The following ENOX1 variants were observed in gnomAD, a reference collection of about 807,000 sequenced individuals.
ENOX1 encodes the protein ecto-NOX disulfide-thiol exchanger 1.
A neutral mutation model predicts 82.5 loss-of-function variants in ENOX1; 42 were observed. The observed-to-expected ratio is 0.51, with a 90% CI of 0.40 to 0.66. The LOEUF (loss-of-function observed/expected upper bound fraction) is 0.66. Among genes scored for constraint, ENOX1 ranks in the 30% least tolerant of loss-of-function variants. The pLI is 0.00. For missense variants in ENOX1, 608 were observed against 811.6 expected (o/e 0.75, Z 3.05); for synonymous variants, 271 against 282.2 (o/e 0.96, Z 0.40).
chr13:43,301,411 T>C (rs2153509796), intron 11 of ENOX1, among the ~76,000 whole-genome samples: 1 of 152,272 alleles, frequency 6.6e-6, no homozygotes, highest in East Asian at 1.9e-4. Context: ...ATCCATTATT[T>C]TAGGGGATCT....
rs117672450 is a variant in ENOX1, at chr13:43,327,624, C to T, written c.1037-1099G>A. Among the ~76,000 whole-genome samples, 5 of 152,290 alleles carry T rather than the reference C, an allele frequency of 3.3e-5. No homozygotes were observed. The East Asian group carries it at 9.6e-4, about 29-fold the overall frequency. On this transcript the variant is annotated intron_variant, in intron 9 of 16. Transcript: ENST00000690772. ...AAAATTAGCTTCTCAAGGATTCTAA[C>T]ACCCCATCAACATAAATCTTTCATA...
chr13:43,634,510 G>C (rs916147658), intron 2 of ENOX1, among the ~76,000 whole-genome samples: 8 of 152,188 alleles, frequency 5.3e-5, no homozygotes, highest in African/African-American at 1.9e-4. Flanking sequence ...GGGTGTTGTA[G>C]AGAAGGAGCT....
intron 1 of ENOX1, among the ~76,000 whole-genome samples, chr13:43,747,649 T>C (rs1170263536): frequency 6.6e-6 from 1 of 152,242 alleles, no homozygotes; most frequent in Admixed American, 6.5e-5. Flanking sequence ...CCAACACCTA[T>C]GTGGTGGCAA....
intron 5 of ENOX1, among the ~76,000 whole-genome samples, chr13:43,393,397 G>T (rs1049428896): frequency 1.3e-5 from 2 of 152,184 alleles, no homozygotes; most frequent in Non-Finnish European, 2.9e-5. Flanking sequence ...AAAGGGGCAA[G>T]AAATCACAGG....
At chr13:43,428,348 T>C (rs1019914594) in intron 3 of ENOX1, among the ~76,000 whole-genome samples, 5 of 152,190 alleles carry the variant, frequency 3.3e-5, no homozygotes, top group African/African-American at 1.2e-4. Context: ...AATATATATA[T>C]TGAGGGCAAA....
intron 1 of ENOX1, among the ~76,000 whole-genome samples, chr13:43,675,127 G>T (rs761302267): frequency 1.3e-5 from 2 of 152,112 alleles, no homozygotes; most frequent in African/African-American, 4.8e-5. Flanking sequence ...TTTTTGAAAG[G>T]TCACTCTGGC....
intron 1 of ENOX1, among the ~76,000 whole-genome samples, chr13:43,781,637 C>T (rs1029461837): frequency 1.3e-5 from 2 of 152,074 alleles, no homozygotes; most frequent in Non-Finnish European, 2.9e-5. Context: ...CCTCAGCCCC[C>T]CGAGTAGCTG....
chr13:43,251,006 G>T (rs1196794541), intron 14 of ENOX1, among the ~76,000 whole-genome samples: 3 of 152,098 alleles, frequency 2.0e-5, no homozygotes, highest in African/African-American at 7.2e-5. Context: ...AAATTCTCAG[G>T]CCCCAGCTTG....
chr13:43,557,827 C>A (rs2079507589), intron 2 of ENOX1, among the ~76,000 whole-genome samples: 1 of 152,002 alleles, frequency 6.6e-6, no homozygotes, highest in Admixed American at 6.6e-5. Context: ...TTAAAAAATT[C>A]ATTTTGTGGT....
At chr13:43,499,846 G>C (rs1232684637) in intron 2 of ENOX1, among the ~76,000 whole-genome samples, 1 of 151,752 alleles carries the variant, frequency 6.6e-6, no homozygotes, top group African/African-American at 2.4e-5. Flanking sequence ...GAACAAATCA[G>C]GAAAATAAAT....
intron 2 of ENOX1, among the ~76,000 whole-genome samples, chr13:43,508,955 CATTT>C (rs2077272595): frequency 6.6e-6 from 1 of 151,950 alleles, no homozygotes; most frequent in South Asian, 2.1e-4. Flanking sequence ...AAATGTGAAA[CATTT>C]ATTAATGTTT....
rs777294406 is a variant in ENOX1 at position 43,213,954 on chromosome 13, A to G, written c.*36T>C. ...GTCGCACCGCCCTGGCCAGGTTCAC[A>G]TGGTTTCATTTCCAGAGATGCTTTG... On this transcript the variant is annotated 3_prime_UTR_variant, in exon 17 of 17. Coordinates refer to ENST00000690772, the MANE Select transcript of ENOX1 (RefSeq NM_001347969.2). 1.6e-5 allele frequency: 26 copies of G among 1,605,490 alleles called. No individual in the cohort carries two copies. The highest frequency in any genetic ancestry group is 2.7e-5 in the African/African-American group (2 of 74,762).
chr13:43,224,945 TC>T (rs1188454351), intron 15 of ENOX1, among the ~76,000 whole-genome samples: 5 of 152,198 alleles, frequency 3.3e-5, no homozygotes, highest in African/African-American at 1.2e-4. Context: ...GGAAGTCAAC[TC>T]CAAAAACTGT....
chr13:43,674,350 G>C (rs1229230834), intron 1 of ENOX1, among the ~76,000 whole-genome samples: 3 of 152,140 alleles, frequency 2.0e-5, no homozygotes. Flanking sequence ...GCAACAGGGT[G>C]ATGAGAGGCT....
At chr13:43,227,007 CT>C (rs1440127831) in intron 15 of ENOX1, among the ~76,000 whole-genome samples, 1 of 150,710 alleles carries the variant, frequency 6.6e-6, no homozygotes, top group African/African-American at 2.5e-5. Flanking sequence ...AATATTCCCC[CT>C]GGCCAGAGAG....
chr13:43,505,621 GTT>G lies in ENOX1; in HGVS notation c.-218-21471_-218-21470del, dbSNP rs542538332. Among the ~76,000 whole-genome samples, 1,217 of 152,080 alleles carry G rather than the reference GTT, an allele frequency of 8.0e-3. 23 individuals are homozygous for G. Among genetic ancestry groups the G allele is most frequent in the African/African-American group, 0.027 (1,130 of 41,518 alleles). On this transcript the variant is annotated intron_variant, in intron 2 of 16. Coordinates refer to ENST00000690772, the MANE Select transcript of ENOX1 (RefSeq NM_001347969.2). ...GGGGTTGTTTTTTTCTTGTAAATTT[GTT>G]TGAGTTCGTTGTAGATTCTGGATAT...
At chr13:43,768,123 ACATAC>A (rs1334369678) in intron 1 of ENOX1, among the ~76,000 whole-genome samples, 1 of 152,140 alleles carries the variant, frequency 6.6e-6, no homozygotes, top group Non-Finnish European at 1.5e-5. Flanking sequence ...CTTCTTACAT[ACATAC>A]ATTTTTACTC....
chr13:43,706,242 A>G (rs1395092437), intron 1 of ENOX1, among the ~76,000 whole-genome samples: 1 of 152,088 alleles, frequency 6.6e-6, no homozygotes, highest in East Asian at 1.9e-4. Flanking sequence ...GAAGCTACAG[A>G]TAGAATAAAT....
chr13:43,509,926 T>C (rs1285971208), intron 2 of ENOX1, among the ~76,000 whole-genome samples: 1 of 151,988 alleles, frequency 6.6e-6, no homozygotes, highest in Non-Finnish European at 1.5e-5. Context: ...TCCAGACCTA[T>C]GTTCTCAGTG....
Sources: gnomAD v4.1 joint callset for allele counts (sites outside exome capture counted in the v4.1 genomes callset) on GRCh38, gnomAD v4.1.1 for gene constraint, MANE v1.5 for transcripts, NCBI Gene and HGNC (gene_info 2026-07-23, HGNC 2026-07-21) for gene names.